The following VPS8 variants were observed in gnomAD, a reference collection of about 807,000 sequenced individuals.
VPS8 encodes vacuolar protein sorting-associated protein 8 homolog.
A neutral mutation model predicts 216.4 loss-of-function variants in VPS8; 129 were observed. The observed-to-expected ratio is 0.60, with a 90% CI of 0.52 to 0.69. The LOEUF is 0.69. Ranked by LOEUF, VPS8 falls within the 30% of genes least tolerant of loss-of-function variation. The probability of loss-of-function intolerance (pLI) is 0.00; values close to 1 mark genes in which losing one functional copy is unlikely to be tolerated. For missense variants in VPS8, 1,531 were observed against 1,683.5 expected (o/e 0.91, Z 1.59); for synonymous variants, 571 against 565.4 (o/e 1.01, Z -0.14).
chr3:184,952,931 A>G (rs868027735), intron 36 of VPS8, among the ~76,000 whole-genome samples: 1 of 152,236 alleles, frequency 6.6e-6, no homozygotes, highest in Non-Finnish European at 1.5e-5. Flanking sequence ...GCTAAAGGCA[A>G]TGAAAGAATG....
chr3:184,841,124 A>G (rs945905742), intron 7 of VPS8, among the ~76,000 whole-genome samples: 2 of 152,212 alleles, frequency 1.3e-5, no homozygotes, highest in Non-Finnish European at 2.9e-5. Flanking sequence ...ATTCCCTTGA[A>G]GGAATTTAGA....
chr3:185,041,520 G>A (rs991796190), intron 46 of VPS8, among the ~76,000 whole-genome samples: 2 of 152,138 alleles, frequency 1.3e-5, no homozygotes, highest in African/African-American at 4.8e-5. Context: ...TGGATGTTGA[G>A]ATTATTGATC....
chr3:184,847,673 T>G (rs1344348813), intron 8 of VPS8, among the ~76,000 whole-genome samples: 1 of 152,244 alleles, frequency 6.6e-6, no homozygotes, highest in Non-Finnish European at 1.5e-5. Flanking sequence ...ATTCTGACAT[T>G]TAAATTTTTA....
chr3:184,953,373 G>C (rs1056480781), intron 36 of VPS8, among the ~76,000 whole-genome samples: 2 of 152,156 alleles, frequency 1.3e-5, no homozygotes, highest in African/African-American at 4.8e-5. Flanking sequence ...TTGAAGTGGG[G>C]GTCCTATATG....
chr3:184,957,585 G>A, intron 37 of VPS8, 64 bp downstream of exon 37: 3 of 1,478,310 alleles, frequency 2.0e-6, no homozygotes, highest in Admixed American at 2.5e-5. Context: ...TTTGACAGAT[G>A]ATCAAAGACA....
At chr3:184,939,725 A>G (rs1372649086) in intron 35 of VPS8, among the ~76,000 whole-genome samples, 1 of 152,162 alleles carries the variant, frequency 6.6e-6, no homozygotes, top group African/African-American at 2.4e-5. Flanking sequence ...GTTGATATTC[A>G]TGAACTTTTT....
At chr3:184,944,103 A>G (rs1045993586) in intron 36 of VPS8, among the ~76,000 whole-genome samples, 1 of 152,176 alleles carries the variant, frequency 6.6e-6, no homozygotes, top group Non-Finnish European at 1.5e-5. Flanking sequence ...TTGAGGGGGT[A>G]GTTTTTATTT....
At chr3:184,912,276 A>G (rs1736693094) in intron 25 of VPS8, among the ~76,000 whole-genome samples, 1 of 152,184 alleles carries the variant, frequency 6.6e-6, no homozygotes, top group Non-Finnish European at 1.5e-5. Flanking sequence ...AAGTAAACAT[A>G]GAATAGAGGA....
intron 37 of VPS8, among the ~76,000 whole-genome samples, chr3:184,960,167 C>A (rs562490386): frequency 2.0e-5 from 3 of 152,180 alleles, no homozygotes; most frequent in Non-Finnish European, 1.5e-5. Flanking sequence ...AGGACATGAA[C>A]TCATCCTTTA....
chr3:185,029,382 G>A (rs533958119), intron 46 of VPS8, among the ~76,000 whole-genome samples: 2 of 152,260 alleles, frequency 1.3e-5, no homozygotes, highest in East Asian at 3.9e-4. Context: ...TGACTCTGCT[G>A]TCAATATTGG....
chr3:185,025,177 G>A (rs1223436610), intron 46 of VPS8, among the ~76,000 whole-genome samples: 1 of 152,144 alleles, frequency 6.6e-6, no homozygotes, highest in African/African-American at 2.4e-5. Context: ...CACAGATAGG[G>A]TATGACTGAC....
rs760210266 is a variant in VPS8, at chr3:184,898,696, A to G, written c.2094+42A>G. 1.3e-5 allele frequency: 19 copies of G among 1,454,504 alleles called. No homozygotes were observed. The South Asian group carries it at 2.1e-4, about 16-fold the overall frequency. 90.1% of individuals were successfully genotyped at this position (1,454,504 alleles called of 1,614,324 possible). A position where few individuals can be genotyped will look rare whatever the true frequency, so the allele number is the denominator to read the frequency against. On this transcript the variant is annotated intron_variant, in intron 24 of 47. Coordinates refer to ENST00000625842, the MANE Select transcript of VPS8 (RefSeq NM_001009921.3). ...CTTGGATACGTAATTAATTTTGTCT[A>G]CTAACTTTTTTCTCCTATTCTCCAT...
chr3:185,008,006 C>G (rs914442084), intron 45 of VPS8, among the ~76,000 whole-genome samples: 1 of 151,964 alleles, frequency 6.6e-6, no homozygotes, highest in South Asian at 2.1e-4. Flanking sequence ...TATTAGCTCT[C>G]TGATATAAAT....
intron 37 of VPS8, among the ~76,000 whole-genome samples, chr3:184,958,960 A>G (rs1425872614): frequency 6.6e-6 from 1 of 152,158 alleles, no homozygotes; most frequent in Non-Finnish European, 1.5e-5. Context: ...AAGAGTAGTG[A>G]TTGGCCATTT....
rs574951362 is a variant in VPS8 at position 184,946,656 on chromosome 3, A to G, written c.3035+6413A>G. On this transcript the variant is annotated intron_variant, in intron 36 of 47. Transcript: ENST00000625842. ...CACCTGGCCAGCAGCATTTTCTTCT[A>G]TCTTCCCATATCTCTTCTCTCCTTT... Among the ~76,000 whole-genome samples the G allele has an allele frequency of 6.6e-5, 10 of 152,142 alleles. No homozygotes were observed. In the East Asian group the frequency reaches 1.5e-3, roughly 24 times the overall value.
chr3:184,868,032 T>C lies in VPS8; in HGVS notation c.1479T>C (p.Tyr493=), dbSNP rs1282278532. 5 of 1,612,916 alleles carry C rather than the reference T, an allele frequency of 3.1e-6. No individual in the cohort carries two copies. The highest frequency in any genetic ancestry group is 4.2e-6 in the Non-Finnish European group (5 of 1,179,744). Reference sequence around the variant, plus strand: ...ATCTCTTTACTTTCCAGTCTGTTTATGTGATGATGCTGAGGAGCTGGAGAG... The same window carrying C: ...ATCTCTTTACTTTCCAGTCTGTTTACGTGATGATGCTGAGGAGCTGGAGAG... ...QIFYLGTKSV[Y]VMMLRSWRER... is the part of the protein sequence containing the mutation. The change falls in exon 18 of 48, where the codon TAT becomes TAC. Residue 493 remains tyrosine (Y), a synonymous_variant. Coordinates refer to ENST00000625842, the MANE Select transcript of VPS8 (RefSeq NM_001009921.3).
chr3:184,981,553 C>G (rs1265256472), intron 40 of VPS8, among the ~76,000 whole-genome samples: 1 of 151,718 alleles, frequency 6.6e-6, no homozygotes, highest in Non-Finnish European at 1.5e-5. Context: ...CCTGCCTCAG[C>G]CTCCTGAGTA....
chr3:184,974,773 A>G (rs547487974), intron 40 of VPS8, among the ~76,000 whole-genome samples: 4 of 152,220 alleles, frequency 2.6e-5, no homozygotes, highest in Admixed American at 6.5e-5. Context: ...TCTTTGCCAT[A>G]TGGATATCCA....
chr3:184,893,626 T>C (rs993983187), intron 22 of VPS8, among the ~76,000 whole-genome samples: 4 of 152,246 alleles, frequency 2.6e-5, no homozygotes, highest in Non-Finnish European at 5.9e-5. Flanking sequence ...GCAGTGTCAA[T>C]TGATGCTGTG....
Sources: gnomAD v4.1 joint callset for allele counts (sites outside exome capture counted in the v4.1 genomes callset) on GRCh38, gnomAD v4.1.1 for gene constraint, MANE v1.5 for transcripts, NCBI Gene and HGNC (gene_info 2026-07-23, HGNC 2026-07-21) for gene names.